The following MIR2052HG variants were observed in gnomAD, a reference collection of about 807,000 sequenced individuals.
MIR2052HG encodes the protein MIR2052 host gene.
intron 2 of MIR2052HG, among the ~76,000 whole-genome samples, chr8:74,697,164 T>C (rs1261794063): frequency 6.6e-6 from 1 of 152,128 alleles, no homozygotes; most frequent in African/African-American, 2.4e-5. Context: ...GATGGACAGA[T>C]GGTTTAACAT....
intron 2 of MIR2052HG, among the ~76,000 whole-genome samples, chr8:74,619,538 C>A (rs983275323): frequency 3.3e-5 from 5 of 152,158 alleles, no homozygotes; most frequent in African/African-American, 1.2e-4. Context: ...CCTCAGGAAA[C>A]TTACAATCAT....
chr8:74,605,118 A>C (rs1808092628), intron 1 of MIR2052HG, among the ~76,000 whole-genome samples: 1 of 152,104 alleles, frequency 6.6e-6, no homozygotes, highest in African/African-American at 2.4e-5. Context: ...ATTTCTCTAG[A>C]AGACAGCTCT....
At chr8:74,752,451 A>T (rs1017384996) in exon 5 of MIR2052HG, 13 of 440,882 alleles carry the variant, frequency 2.9e-5, no homozygotes, top group Non-Finnish European at 5.9e-5. Context: ...GCCCGCGTTC[A>T]GTCCAGCCAC....
At chr8:74,688,840 G>A (rs1586914423) in intron 2 of MIR2052HG, among the ~76,000 whole-genome samples, 1 of 151,964 alleles carries the variant, frequency 6.6e-6, no homozygotes, top group Non-Finnish European at 1.5e-5. Context: ...AGTCCCCAAA[G>A]TTCATTATAT....
At chr8:74,713,268 C>A (rs1410967900) in intron 4 of MIR2052HG, among the ~76,000 whole-genome samples, 1 of 152,182 alleles carries the variant, frequency 6.6e-6, no homozygotes, top group Admixed American at 6.5e-5. Flanking sequence ...CTCTCTCAAT[C>A]TTCAGTGTAA....
chr8:74,654,693 C>T (rs1179895796), intron 2 of MIR2052HG, among the ~76,000 whole-genome samples: 1 of 152,076 alleles, frequency 6.6e-6, no homozygotes, highest in Non-Finnish European at 1.5e-5. Context: ...CATTTTTCTT[C>T]CCAGTCTTGA....
At chr8:74,748,093 C>T (rs914394646) in intron 4 of MIR2052HG, among the ~76,000 whole-genome samples, 4 of 152,076 alleles carry the variant, frequency 2.6e-5, no homozygotes, top group Non-Finnish European at 4.4e-5. Context: ...AATTTTATGG[C>T]CTTTGTTTTT....
intron 2 of MIR2052HG, among the ~76,000 whole-genome samples, chr8:74,614,199 T>C (rs997680382): frequency 1.3e-5 from 2 of 152,234 alleles, no homozygotes; most frequent in African/African-American, 4.8e-5. Context: ...TTGAATCCTT[T>C]CTCTGATCCA....
At chr8:74,720,589 A>C (rs1023756065) in intron 4 of MIR2052HG, among the ~76,000 whole-genome samples, 3 of 152,150 alleles carry the variant, frequency 2.0e-5, no homozygotes, top group Non-Finnish European at 2.9e-5. Context: ...TTGCTAATCC[A>C]ATGCTTGAGT....
intron 2 of MIR2052HG, among the ~76,000 whole-genome samples, chr8:74,630,029 G>T (rs962868007): frequency 2.0e-5 from 3 of 152,088 alleles, no homozygotes; most frequent in African/African-American, 7.2e-5. Context: ...ATAATTACAG[G>T]CACAGAAAAG....
intron 2 of MIR2052HG, among the ~76,000 whole-genome samples, chr8:74,694,777 A>C (rs1242738837): frequency 6.6e-6 from 1 of 152,128 alleles, no homozygotes; most frequent in East Asian, 1.9e-4. Context: ...GAATTAACCC[A>C]ATCTGACAAA....
chr8:74,719,797 T>C lies in MIR2052HG; in HGVS notation n.371+16115T>C, dbSNP rs139363675. Reference sequence around the variant, plus strand: ...GAAAAACTTCACAATGCAGTCAGAATTTCTTTGAAGATTGCTTCTTCAGTG... The same window carrying C: ...GAAAAACTTCACAATGCAGTCAGAACTTCTTTGAAGATTGCTTCTTCAGTG... On this transcript the variant is annotated intron_variant and non_coding_transcript_variant, in intron 4 of 6. Transcript: ENST00000523442. Among the ~76,000 whole-genome samples, 192 of 152,194 alleles carry C rather than the reference T, an allele frequency of 1.3e-3. 1 individual carries two copies. Among genetic ancestry groups the C allele is most frequent in the African/African-American group, 4.4e-3 (184 of 41,546 alleles).
chr8:74,752,040 GGAGGCTGAGACAAGAGGATCACTT>G (rs1386522729), intron 4 of MIR2052HG, among the ~76,000 whole-genome samples: 1 of 152,050 alleles, frequency 6.6e-6, no homozygotes, highest in African/African-American at 2.4e-5. Context: ...CAGCACTTTG[GGAGGCTGAGACAAGAGGATCACTT>G]GAGGCCAGGA....
At chr8:74,731,697 T>G (rs1399623048) in intron 4 of MIR2052HG, among the ~76,000 whole-genome samples, 2 of 152,110 alleles carry the variant, frequency 1.3e-5, no homozygotes, top group East Asian at 3.9e-4. Context: ...TTTATTAAGT[T>G]GGAGACCCCT....
chr8:74,689,960 G>A (rs1251681139), intron 2 of MIR2052HG, among the ~76,000 whole-genome samples: 3 of 152,144 alleles, frequency 2.0e-5, no homozygotes, highest in Non-Finnish European at 2.9e-5. Flanking sequence ...GGCCAGACAT[G>A]TAAGAACCAG....
intron 2 of MIR2052HG, among the ~76,000 whole-genome samples, chr8:74,618,344 A>G (rs1172203024): frequency 6.6e-6 from 1 of 152,194 alleles, no homozygotes; most frequent in Non-Finnish European, 1.5e-5. Context: ...ATCAGAATAA[A>G]AGCTCCATGA....
chr8:74,694,213 C>T (rs954830767), intron 2 of MIR2052HG, among the ~76,000 whole-genome samples: 13 of 152,256 alleles, frequency 8.5e-5, no homozygotes, highest in African/African-American at 1.4e-4. Flanking sequence ...CAGTACCAGC[C>T]GAGAGCCTGG....
chr8:74,708,079 G>A (rs1809429273), intron 4 of MIR2052HG, among the ~76,000 whole-genome samples: 1 of 152,104 alleles, frequency 6.6e-6, no homozygotes, highest in Non-Finnish European at 1.5e-5. Flanking sequence ...TCAATAGAGA[G>A]TCTTCGGCTT....
At chr8:74,624,325 G>C (rs541125169) in intron 2 of MIR2052HG, among the ~76,000 whole-genome samples, 4 of 152,354 alleles carry the variant, frequency 2.6e-5, no homozygotes, top group African/African-American at 7.2e-5. Context: ...TTCCAAGGGG[G>C]TTGATTTCAC....
Sources: allele counts gnomAD v4.1 joint callset (sites outside exome capture counted in the v4.1 genomes callset), GRCh38; gene constraint gnomAD v4.1.1; transcripts MANE v1.5; gene names NCBI Gene and HGNC (gene_info 2026-07-23, HGNC 2026-07-21).